Variants in RNF216 observed in about 807,000 individuals in gnomAD.
RNF216 encodes ring finger protein 216.
A neutral mutation model predicts 110.8 loss-of-function variants in RNF216; 72 were observed. The ratio of observed to expected loss-of-function variants is 0.65; its 90% CI spans 0.54 to 0.79. The LOEUF (loss-of-function observed/expected upper bound fraction) is 0.79, where lower values mean the gene tolerates loss of function less well. RNF216 is among the 30% of genes least tolerant of loss of function. The pLI is 0.00. For missense variants in RNF216, 1,342 were observed against 1,141.2 expected (o/e 1.18, Z -2.54); for synonymous variants, 495 against 407.5 (o/e 1.21, Z -2.59).
intron 5 of RNF216, among the ~76,000 whole-genome samples, chr7:5,731,169 G>A (rs1794066116): frequency 6.6e-6 from 1 of 152,166 alleles, no homozygotes; most frequent in African/African-American, 2.4e-5. Flanking sequence ...TCTTTGTCGA[G>A]AAAACTATGA....
At chr7:5,663,879 C>A (rs997242615) in intron 13 of RNF216, among the ~76,000 whole-genome samples, 6 of 151,988 alleles carry the variant, frequency 3.9e-5, no homozygotes, top group African/African-American at 1.5e-4. Flanking sequence ...GCCTGGGCGA[C>A]AGAGAGGGAG....
chr7:5,759,592 T>C (rs1432530700), intron 2 of RNF216, among the ~76,000 whole-genome samples: 4 of 152,020 alleles, frequency 2.6e-5, no homozygotes, highest in African/African-American at 9.7e-5. Flanking sequence ...CAGTCAACAG[T>C]AGGCTATTCG....
intron 2 of RNF216, among the ~76,000 whole-genome samples, chr7:5,759,633 C>CTTATTTT (rs59390560): frequency 7.6e-6 from 1 of 131,158 alleles, no homozygotes; most frequent in African/African-American, 2.8e-5. Context: ...CATTTTTCTT[C>CTTATTTT]TTTTTTTTTT....
intron 13 of RNF216, among the ~76,000 whole-genome samples, chr7:5,692,135 G>A (rs191768246): frequency 4.6e-5 from 7 of 152,318 alleles, no homozygotes; most frequent in Admixed American, 2.6e-4. Flanking sequence ...GGCTTAGCAC[G>A]GCTATTTGAA....
intron 9 of RNF216, among the ~76,000 whole-genome samples, chr7:5,717,839 G>C (rs1793160641): frequency 6.6e-6 from 1 of 152,080 alleles, no homozygotes; most frequent in Non-Finnish European, 1.5e-5. Flanking sequence ...CTGGAGTGCA[G>C]TGGTGCAATC....
At chr7:5,721,332 T>C (rs1431215583) in intron 8 of RNF216, among the ~76,000 whole-genome samples, 160 bp from the exon 9 acceptor site, 2 of 152,240 alleles carry the variant, frequency 1.3e-5, no homozygotes, top group Non-Finnish European at 2.9e-5. Flanking sequence ...ACTGGGCTTC[T>C]TACCATTAGC....
chr7:5,657,581 A>C (rs965905778), intron 13 of RNF216, among the ~76,000 whole-genome samples: 1 of 152,086 alleles, frequency 6.6e-6, no homozygotes, highest in South Asian at 2.1e-4. Context: ...AAAAAAAATA[A>C]TAAAATAAAA....
intron 14 of RNF216, among the ~76,000 whole-genome samples, chr7:5,650,565 C>G (rs1788327196): frequency 6.6e-6 from 1 of 151,882 alleles, no homozygotes; most frequent in South Asian, 2.1e-4. Flanking sequence ...GTTGTAGGAC[C>G]GGGGTCTCTA....
intron 13 of RNF216, among the ~76,000 whole-genome samples, chr7:5,668,954 C>G (rs887219340): frequency 6.6e-6 from 1 of 152,224 alleles, no homozygotes; most frequent in African/African-American, 2.4e-5. Flanking sequence ...CCCCACAGGG[C>G]TCTTATCCAG....
intron 11 of RNF216, among the ~76,000 whole-genome samples, chr7:5,714,171 C>G (rs181029513): frequency 1.3e-4 from 20 of 152,292 alleles, no homozygotes; most frequent in Admixed American, 1.2e-3. Flanking sequence ...CCATGTTGGC[C>G]AGGCTAGTCT....
At chr7:5,672,846 A>G (rs546262831) in intron 13 of RNF216, among the ~76,000 whole-genome samples, 8 of 152,258 alleles carry the variant, frequency 5.3e-5, no homozygotes, top group African/African-American at 1.9e-4. Context: ...TTTCTAGGAC[A>G]CAGGGACACA....
At position 5,752,850 on chromosome 7, in the gene RNF216, G is replaced by C. The variant is rs746583540; in HGVS notation, c.197C>G (p.Thr66Arg). 1.5e-5 allele frequency: 24 copies of C among 1,610,748 alleles called. No individual in the cohort carries two copies. Among genetic ancestry groups the C allele is most frequent in the Non-Finnish European group, 2.0e-5 (23 of 1,178,906 alleles). ...EEDLDDDVILTETNKPQRSRP... is the reference protein window; with the variant it reads ...EEDLDDDVILRETNKPQRSRP... The stretch of plus-strand genomic sequence containing the variant: ...GTAAGTTTAAAGAAAACTCACTTCT[G>C]TCAGGATGACATCATCATCCAGGTC... Residue 66 changes from threonine (T) to arginine (R), a missense_variant, in exon 3 of 17, where the codon ACA (threonine) becomes AGA (arginine). By Grantham distance (71) the Thr-to-Arg change is moderately conservative. Coordinates refer to ENST00000389902, the MANE Select transcript of RNF216 (RefSeq NM_207111.4).
chr7:5,626,670 TAAA>T (rs71547783), intron 15 of RNF216, among the ~76,000 whole-genome samples: 5 of 140,928 alleles, frequency 3.5e-5, no homozygotes, highest in African/African-American at 2.6e-5. Context: ...AAACTTGTGT[TAAA>T]AAAAAAAAAA....
chr7:5,744,979 G>T (rs1297243970), intron 3 of RNF216, among the ~76,000 whole-genome samples: 1 of 125,050 alleles, frequency 8.0e-6, no homozygotes, highest in Admixed American at 8.1e-5. Context: ...TCTCCAAAAA[G>T]AAAAAAAAAA....
chr7:5,655,133 T>C (rs536708555), intron 13 of RNF216, among the ~76,000 whole-genome samples: 2 of 152,340 alleles, frequency 1.3e-5, no homozygotes, highest in East Asian at 1.9e-4. Context: ...AACCCCATTT[T>C]TGAGATGAGG....
At chr7:5,727,034 G>C (rs1227367286) in intron 7 of RNF216, among the ~76,000 whole-genome samples, 1 of 152,152 alleles carries the variant, frequency 6.6e-6, no homozygotes, top group Non-Finnish European at 1.5e-5. Context: ...CTGTGGCAGG[G>C]GATAGGAGGC....
intron 10 of RNF216, 47 bp downstream of exon 10, chr7:5,716,669 C>A: frequency 3.5e-6 from 5 of 1,436,558 alleles, no homozygotes; most frequent in South Asian, 2.6e-5. Context: ...TAAGAGAAAA[C>A]AGCCCATGAA....
Position 5,624,567 on chromosome 7 carries a change from C to T in RNF216, c.2383-442G>A, listed in dbSNP as rs1786591674. 6.6e-6 allele frequency among the ~76,000 whole-genome samples: 1 copy of T among 152,246 alleles called. No individual in the cohort carries two copies. Among genetic ancestry groups the T allele is most frequent in the South Asian group, 2.1e-4 (1 of 4,830 alleles). ...GGAAAAGTCTTGCAGATGTCCTCAA[C>T]TGAGATGGACAAATGTCCAGTCGGG... On this transcript the variant is annotated intron_variant, in intron 15 of 16. Coordinates refer to ENST00000389902, the MANE Select transcript of RNF216 (RefSeq NM_207111.4). The surrounding 1 kb of genome is among the most constrained non-coding windows in gnomAD (Gnocchi z 4.4).
At position 5,716,788 on chromosome 7, in the gene RNF216, C is replaced by A. The variant is rs368928882; in HGVS notation, c.1645-22G>T. 29 of 1,590,638 alleles carry A rather than the reference C, an allele frequency of 1.8e-5. No homozygotes were observed. The African/African-American group carries it at 3.6e-4, about 20-fold the overall frequency. On this transcript the variant is annotated intron_variant, in intron 9 of 16. Coordinates refer to ENST00000389902, the MANE Select transcript of RNF216 (RefSeq NM_207111.4). ...CATGCTGAAGAACAAAAAAGGCACA[C>A]ATTCAGACACAAATTTAGTAAAAAT...
Sources: allele counts gnomAD v4.1 joint callset (sites outside exome capture counted in the v4.1 genomes callset), GRCh38; gene constraint gnomAD v4.1.1; non-coding constraint Gnocchi (gnomAD v3.1); transcripts MANE v1.5; gene names NCBI Gene and HGNC (gene_info 2026-07-23, HGNC 2026-07-21).